DNAH6: variants seen among roughly 807,000 people sequenced by gnomAD.
DNAH6 encodes dynein axonemal heavy chain 6.
A neutral mutation model predicts 491.4 loss-of-function variants in DNAH6; 340 were observed. That is an observed-to-expected ratio of 0.69 (90% CI 0.63 to 0.76). The LOEUF (loss-of-function observed/expected upper bound fraction) is 0.76, where lower values mean the gene tolerates loss of function less well. Ranked by LOEUF, DNAH6 falls within the 30% of genes least tolerant of loss-of-function variation. The pLI is 0.00. For synonymous variants in DNAH6, 1,603 were observed against 1,686.1 expected, an observed-to-expected ratio of 0.95 and a Z score of 1.21; for missense variants, 4,443 against 4,972.2, an observed-to-expected ratio of 0.89 and a Z score of 3.20.
intron 35 of DNAH6, among the ~76,000 whole-genome samples, chr2:84,656,963 A>AT (rs1161359399): frequency 6.6e-6 from 1 of 151,938 alleles, no homozygotes; most frequent in Non-Finnish European, 1.5e-5. Context: ...AAAACTGTAT[A>AT]TTTTTTGCTT....
At position 84,653,727 on chromosome 2, in the gene DNAH6, A is replaced by G. The variant is rs1359406745; in HGVS notation, c.5487A>G (p.Ser1829=). The part of the protein sequence containing the change: ...LSVRAAVNDT[S]EDHKWIISDG... ...TCCGAGCAGCTGTGAATGATACTTC[A>G]GAAGACCATAAATGGATCATCAGTG... Residue 1829 remains serine (S), a synonymous_variant, in exon 34 of 77, where the codon TCA becomes TCG. Coordinates refer to ENST00000389394, the MANE Select transcript of DNAH6 (RefSeq NM_001370.2). The G allele has an allele frequency of 1.9e-6, 3 of 1,551,376 alleles. No individual in the cohort carries two copies. Among genetic ancestry groups the G allele is most frequent in the Non-Finnish European group, 2.6e-6 (3 of 1,146,726 alleles).
At chr2:84,532,291 A>T (rs2104463516) in intron 4 of DNAH6, among the ~76,000 whole-genome samples, 1 of 152,282 alleles carries the variant, frequency 6.6e-6, no homozygotes, top group Admixed American at 6.5e-5. Context: ...GTAATATGTA[A>T]GTTCTCATTT....
intron 53 of DNAH6, 85 bp from the exon 54 acceptor site, chr2:84,707,435 C>A: frequency 1.6e-6 from 2 of 1,235,910 alleles, no homozygotes; most frequent in South Asian, 1.7e-5. Flanking sequence ...TGCTATTCTG[C>A]TATAAAAAGA....
At chr2:84,608,229 T>C (rs1685967087) in intron 21 of DNAH6, among the ~76,000 whole-genome samples, 1 of 24,448 alleles carries the variant, frequency 4.1e-5, no homozygotes, top group South Asian at 1.5e-3. Context: ...CACTGAAGTC[T>C]TGAATCTCTC....
chr2:84,696,517 T>C (rs1695403222), intron 46 of DNAH6, among the ~76,000 whole-genome samples: 1 of 151,974 alleles, frequency 6.6e-6, no homozygotes, highest in African/African-American at 2.4e-5. Flanking sequence ...CTTAAAACTT[T>C]AGGAGGGAAC....
chr2:84,519,306 A>G (rs1675907839), intron 2 of DNAH6, among the ~76,000 whole-genome samples: 1 of 152,010 alleles, frequency 6.6e-6, no homozygotes. Flanking sequence ...AGCAAAATAA[A>G]TGTTAGTTTT....
In DNAH6 at chr2:84,576,531, A is replaced by C. The variant is rs576130082; in HGVS notation, c.1925-726A>C. Among the ~76,000 whole-genome samples, 69 of 152,260 alleles carry C rather than the reference A, an allele frequency of 4.5e-4. 1 individual carries two copies. The highest frequency in any genetic ancestry group is 1.6e-3 in the African/African-American group (68 of 41,558). On this transcript the variant is annotated intron_variant, in intron 12 of 76. Coordinates refer to ENST00000389394, the MANE Select transcript of DNAH6 (RefSeq NM_001370.2). The stretch of plus-strand genomic sequence containing the variant: ...AATGTAGGAGGTAATTAGAAATAAA[A>C]TTAGCTAAATTTTTAGAGGCCCAGA...
chr2:84,764,129 A>T (rs1674850463), intron 64 of DNAH6, among the ~76,000 whole-genome samples: 1 of 152,204 alleles, frequency 6.6e-6, no homozygotes. Context: ...TTACAGATAT[A>T]TCCAGAATAA....
rs183169908 is a variant in DNAH6 at position 84,763,594 on chromosome 2, T to A, written c.10703+649T>A. Among the ~76,000 whole-genome samples the A allele has an allele frequency of 2.7e-3, 417 of 152,252 alleles. 3 individuals carry two copies. The highest frequency in any genetic ancestry group is 9.8e-3 in the African/African-American group (408 of 41,546). ...TAGCCTCCAGCTCTGATGGGTTCCTTCATGGAGTGGCTGGTCTGGCCTGGT... is the reference window on the plus strand; with the variant it reads ...TAGCCTCCAGCTCTGATGGGTTCCTACATGGAGTGGCTGGTCTGGCCTGGT... On this transcript the variant is annotated intron_variant, in intron 64 of 76. Coordinates refer to ENST00000389394, the MANE Select transcript of DNAH6 (RefSeq NM_001370.2).
chr2:84,525,487 G>T, intron 2 of DNAH6, 78 bp from the exon 3 acceptor site: 1 of 1,365,054 alleles, frequency 7.3e-7, no homozygotes, highest in Non-Finnish European at 9.9e-7. Flanking sequence ...ACAGGAGAAA[G>T]AGTCCAAAGG....
intron 74 of DNAH6, among the ~76,000 whole-genome samples, chr2:84,813,354 G>T (rs1003548755): frequency 6.6e-6 from 1 of 152,174 alleles, no homozygotes; most frequent in African/African-American, 2.4e-5. Context: ...CCCCTCTCAG[G>T]TTACATAAGT....
At chr2:84,546,538 T>C (rs990751052) in intron 5 of DNAH6, among the ~76,000 whole-genome samples, 1 of 152,210 alleles carries the variant, frequency 6.6e-6, no homozygotes, top group Admixed American at 6.5e-5. Context: ...TGACTGACTT[T>C]TGTTTATTTA....
rs1428749225 is a variant in DNAH6, at chr2:84,547,532, A to T, written c.1106A>T (p.Tyr369Phe). The change falls in exon 7 of 77, where the codon TAT becomes TTT. Residue 369 changes from tyrosine (Y) to phenylalanine (F), a missense_variant. Transcript: ENST00000389394. ...GGAGAATTTCGAAATGAGGCAAAATATGTAGTCAGGAGGGCTTGTCGATTT... is the reference window on the plus strand; with the variant it reads ...GGAGAATTTCGAAATGAGGCAAAATTTGTAGTCAGGAGGGCTTGTCGATTT... ...RLGEFRNEAK[Y>F]VVRRACRFAL... 4 of 1,551,764 alleles carry T rather than the reference A, an allele frequency of 2.6e-6. No individual in the cohort carries two copies. Among genetic ancestry groups the T allele is most frequent in the Non-Finnish European group, 3.5e-6 (4 of 1,146,952 alleles).
intron 63 of DNAH6, among the ~76,000 whole-genome samples, chr2:84,756,594 G>T (rs1674049695): frequency 6.6e-6 from 1 of 152,126 alleles, no homozygotes; most frequent in South Asian, 2.1e-4. Context: ...AATAAGATTT[G>T]TCACTAGTGA....
chr2:84,580,560 T>C (rs1302883674), intron 14 of DNAH6, among the ~76,000 whole-genome samples: 1 of 152,230 alleles, frequency 6.6e-6, no homozygotes, highest in Non-Finnish European at 1.5e-5. Context: ...AACTGAATGT[T>C]ATATATTATT....
chr2:84,549,594 A>G (rs1483520286), intron 8 of DNAH6, among the ~76,000 whole-genome samples: 1 of 152,216 alleles, frequency 6.6e-6, no homozygotes, highest in Non-Finnish European at 1.5e-5. Context: ...TTTTAGCTAG[A>G]TAAACTAGAT....
chr2:84,771,277 A>G (rs1675578026), intron 64 of DNAH6, among the ~76,000 whole-genome samples: 1 of 151,956 alleles, frequency 6.6e-6, no homozygotes, highest in Admixed American at 6.6e-5. Flanking sequence ...AACAAGAACG[A>G]AACTCAGTCT....
intron 22 of DNAH6, among the ~76,000 whole-genome samples, chr2:84,613,812 T>G (rs1301554791): frequency 6.6e-6 from 1 of 152,098 alleles, no homozygotes; most frequent in Non-Finnish European, 1.5e-5. Context: ...TGGTAAATAC[T>G]TAATATTATT....
intron 70 of DNAH6, among the ~76,000 whole-genome samples, chr2:84,799,932 A>G (rs1678731984): frequency 6.6e-6 from 1 of 152,092 alleles, no homozygotes; most frequent in South Asian, 2.1e-4. Context: ...GTGATTCTCC[A>G]TTGGACCCAC....
Sources: gnomAD v4.1 joint callset for allele counts (sites outside exome capture counted in the v4.1 genomes callset) on GRCh38, gnomAD v4.1.1 for gene constraint, MANE v1.5 for transcripts, NCBI Gene and HGNC (gene_info 2026-07-23, HGNC 2026-07-21) for gene names.